The following GULP1 variants were observed in gnomAD, a reference collection of about 807,000 sequenced individuals.
GULP1 encodes GULP PTB domain containing engulfment adaptor 1, also known as PTB domain-containing engulfment adapter protein 1.
GULP1 carries 19 observed loss-of-function variants against 40.9 expected under a neutral mutation model. The observed-to-expected ratio is 0.46, with a 90% CI of 0.32 to 0.68. The LOEUF is 0.68. Ranked by LOEUF, GULP1 falls within the 30% of genes least tolerant of loss-of-function variation. GULP1 has a pLI of 0.03. For missense variants in GULP1, 312 were observed against 362.2 expected (o/e 0.86, Z 1.12); for synonymous variants, 119 against 117.6 (o/e 1.01, Z -0.08).
At chr2:188,358,327 G>A (rs543549116) in intron 1 of GULP1, among the ~76,000 whole-genome samples, 1 of 152,224 alleles carries the variant, frequency 6.6e-6, no homozygotes, top group South Asian at 2.1e-4. Context: ...TGGTTACTAG[G>A]GACTGGAAAG....
chr2:188,583,391 C>T (rs1477132580), intron 9 of GULP1, among the ~76,000 whole-genome samples: 1 of 152,124 alleles, frequency 6.6e-6, no homozygotes, highest in Non-Finnish European at 1.5e-5. Context: ...CAAGTTCTCA[C>T]AGGAAAAGCA....
chr2:188,442,086 G>T (rs1320648695), intron 2 of GULP1, among the ~76,000 whole-genome samples: 8 of 152,112 alleles, frequency 5.3e-5, no homozygotes, highest in African/African-American at 1.9e-4. Context: ...AATTACAGAG[G>T]TTAAATTATT....
At chr2:188,372,463 G>C (rs1214898954) in intron 1 of GULP1, among the ~76,000 whole-genome samples, 2 of 152,020 alleles carry the variant, frequency 1.3e-5, no homozygotes, top group Non-Finnish European at 2.9e-5. Flanking sequence ...AGGAAATTTG[G>C]TTGTAAATTT....
At chr2:188,357,186 C>G (rs1327569954) in intron 1 of GULP1, among the ~76,000 whole-genome samples, 3 of 151,934 alleles carry the variant, frequency 2.0e-5, no homozygotes, top group African/African-American at 7.2e-5. Flanking sequence ...GCACAGGCAA[C>G]CGAAACAAAA....
chr2:188,523,062 A>G (rs1456395549), intron 5 of GULP1: 2 of 368,162 alleles, frequency 5.4e-6, no homozygotes, highest in Admixed American at 3.9e-5. Context: ...ATAATGTGTC[A>G]TATTAAAAAT....
intron 4 of GULP1, among the ~76,000 whole-genome samples, chr2:188,513,039 A>C (rs990487436): frequency 6.6e-6 from 1 of 152,116 alleles, no homozygotes; most frequent in Non-Finnish European, 1.5e-5. Flanking sequence ...TCTTTTGTAC[A>C]TCTGCCTAAA....
At chr2:188,571,009 T>G (rs930577522) in intron 9 of GULP1, among the ~76,000 whole-genome samples, 3 of 151,954 alleles carry the variant, frequency 2.0e-5, no homozygotes, top group Non-Finnish European at 2.9e-5. Context: ...ATACAAAAAA[T>G]TATCCAGGCA....
chr2:188,471,486 G>T (rs1446937535), intron 2 of GULP1, among the ~76,000 whole-genome samples: 1 of 151,728 alleles, frequency 6.6e-6, no homozygotes, highest in African/African-American at 2.4e-5. Context: ...AGGAGATTTT[G>T]TCTGGTGATA....
At chr2:188,551,596 CAT>C (rs1693462714) in intron 7 of GULP1, among the ~76,000 whole-genome samples, 2 of 151,758 alleles carry the variant, frequency 1.3e-5, no homozygotes, top group South Asian at 4.1e-4. Context: ...AGGTTGATTC[CAT>C]ATGTTTGCTA....
chr2:188,524,234 T>C (rs1685558155), intron 5 of GULP1, among the ~76,000 whole-genome samples: 1 of 152,166 alleles, frequency 6.6e-6, no homozygotes, highest in Non-Finnish European at 1.5e-5. Flanking sequence ...TTCAATTGAA[T>C]AATGAATAGA....
intron 7 of GULP1, among the ~76,000 whole-genome samples, chr2:188,557,024 A>C (rs947390182): frequency 1.8e-4 from 25 of 142,372 alleles, no homozygotes; most frequent in South Asian, 4.4e-4. Flanking sequence ...ACTCTGTCTC[A>C]AAAAAAAAAA....
chr2:188,467,196 A>G (rs2060198930), intron 2 of GULP1, among the ~76,000 whole-genome samples: 1 of 152,178 alleles, frequency 6.6e-6, no homozygotes, highest in Non-Finnish European at 1.5e-5. Context: ...ATAATGCTAA[A>G]TCTCAGGGGT....
intron 7 of GULP1, among the ~76,000 whole-genome samples, chr2:188,557,236 G>A (rs77609721): frequency 1.8e-3 from 272 of 152,190 alleles, no homozygotes; most frequent in African/African-American, 6.3e-3. Flanking sequence ...GTCTTAACTT[G>A]TTTTGGCATT....
chr2:188,465,191 T>A (rs777092914), intron 2 of GULP1, among the ~76,000 whole-genome samples: 3 of 152,052 alleles, frequency 2.0e-5, no homozygotes, highest in Non-Finnish European at 4.4e-5. Context: ...TGCTTCTGGT[T>A]ATTATTCTGG....
intron 1 of GULP1, among the ~76,000 whole-genome samples, chr2:188,357,809 C>G (rs2045554492): frequency 6.6e-6 from 1 of 152,044 alleles, no homozygotes; most frequent in Admixed American, 6.6e-5. Context: ...TGGAATCAAC[C>G]TTAGTGTACA....
intron 1 of GULP1, among the ~76,000 whole-genome samples, chr2:188,359,854 T>C (rs2045865437): frequency 6.6e-6 from 1 of 152,134 alleles, no homozygotes; most frequent in Non-Finnish European, 1.5e-5. Flanking sequence ...ATGCTGCTTA[T>C]GCACTGGTTA....
chr2:188,579,541 G>A (rs971765572), intron 9 of GULP1, among the ~76,000 whole-genome samples: 1 of 152,046 alleles, frequency 6.6e-6, no homozygotes, highest in African/African-American at 2.4e-5. Flanking sequence ...GTTGGGAACA[G>A]CTAGTTCTAT....
chr2:188,570,055 G>A lies in GULP1; in HGVS notation c.544G>A (p.Glu182Lys), dbSNP rs761188427. 1.4e-6 allele frequency: 2 copies of A among 1,407,434 alleles called. No individual in the cohort carries two copies. Among genetic ancestry groups the A allele is most frequent in the Admixed American group, 1.9e-5 (1 of 53,634 alleles). The allele number at this position is 1,407,434 out of a possible 1,614,324, so 87.2% of individuals were successfully genotyped here. Residue 182 changes from glutamate (E) to lysine (K), a missense_variant, in exon 9 of 12, where the codon GAA becomes AAA. Glu to Lys is a moderately conservative substitution (Grantham distance 56). Coordinates refer to ENST00000409830, the MANE Select transcript of GULP1 (RefSeq NM_016315.4). ...RIQDLETENM[E>K]LKNKVQDLEN... ...CCAAGACTTAGAAACAGAAAATATG[G>A]AACTTAAAAATAAAGTACAAGATTT...
intron 6 of GULP1, among the ~76,000 whole-genome samples, chr2:188,534,481 T>C (rs1047972711): frequency 6.6e-6 from 1 of 151,498 alleles, no homozygotes; most frequent in Non-Finnish European, 1.5e-5. Flanking sequence ...TTCTGGGGGC[T>C]ACCAGAGGGA....
Sources: gnomAD v4.1 joint callset for allele counts (sites outside exome capture counted in the v4.1 genomes callset) on GRCh38, gnomAD v4.1.1 for gene constraint, MANE v1.5 for transcripts, NCBI Gene and HGNC (gene_info 2026-07-23, HGNC 2026-07-21) for gene names.